The following SH2B3 variants were observed in gnomAD, a reference collection of about 807,000 sequenced individuals.
The protein encoded by SH2B3 is SH2B adaptor protein 3, also known as SH2B adapter protein 3.
In SH2B3, 43 loss-of-function variants were observed where a neutral mutation model predicts 51.9. That is an observed-to-expected ratio of 0.83 (90% CI 0.65 to 1.07). SH2B3 has a LOEUF of 1.07. SH2B3 is among the 50% of genes least tolerant of loss of function. The pLI, the probability that SH2B3 is intolerant of heterozygous loss-of-function variation, is 0.00. For missense variants in SH2B3, 952 were observed against 834.3 expected (o/e 1.14, Z -1.74); for synonymous variants, 396 against 376.0 (o/e 1.05, Z -0.62).
At chr12:111,423,343 T>G (rs1657345188) in intron 2 of SH2B3, among the ~76,000 whole-genome samples, 1 of 152,210 alleles carries the variant, frequency 6.6e-6, no homozygotes, top group Non-Finnish European at 1.5e-5. Flanking sequence ...TGATCTTATC[T>G]GTGTGACACT....
chr12:111,418,448 G>A lies in SH2B3; in HGVS notation c.303G>A (p.Glu101=). ...GCCGTGGGCCCCCAGCCAAGGCCGA[G>A]GCGTCCCCGGAGCCAGGCCCCGGCC... is the stretch of plus-strand genomic sequence containing the variant. ...DTGRGPPAKA[E]ASPEPGPGPA... Residue 101 remains glutamate (E), a synonymous_variant, in exon 2 of 8, where the codon GAG becomes GAA. Coordinates refer to ENST00000341259, the MANE Select transcript of SH2B3 (RefSeq NM_005475.3). This position sits in a 1 kb window ranked among gnomAD's most constrained non-coding sequence, Gnocchi z 6.7. 1 of 1,411,228 alleles carries A rather than the reference G, an allele frequency of 7.1e-7. No homozygotes were observed. The highest frequency in any genetic ancestry group is 3.2e-5 in the East Asian group (1 of 30,790). The allele number at this position is 1,411,228 out of a possible 1,614,324, so 87.4% of individuals were successfully genotyped here.
intron 7 of SH2B3, 77 bp from the exon 8 acceptor site, chr12:111,447,906 A>C (rs1385886783): frequency 2.6e-6 from 4 of 1,555,952 alleles, no homozygotes; most frequent in Non-Finnish European, 3.5e-6. Flanking sequence ...ACCCAGGGGT[A>C]CAGGTATCTT....
Position 111,435,101 on chromosome 12 carries a change from C to G in SH2B3, c.733-11652C>G, listed in dbSNP as rs1234545226. 6.6e-6 allele frequency: 8 copies of G among 1,204,650 alleles called. No individual in the cohort carries two copies. In the African/African-American group the frequency reaches 1.2e-4, roughly 18 times the overall value. 74.6% of individuals were successfully genotyped at this position (1,204,650 alleles called of 1,614,324 possible). A position where few individuals can be genotyped will look rare whatever the true frequency, so the allele number is the denominator to read the frequency against. The stretch of plus-strand genomic sequence containing the variant: ...TGAGTCCCCTCTCCTCTGGTGCACT[C>G]TCCCCACCCGAGACGGGCGACAGAG... On this transcript the variant is annotated intron_variant, in intron 2 of 7. Transcript: ENST00000341259. The surrounding 1 kb of genome is among the most constrained non-coding windows in gnomAD (Gnocchi z 4.8).
At chr12:111,405,701 T>G (rs1032891548), upstream of SH2B3, among the ~76,000 whole-genome samples, 87 of 152,276 alleles carry the variant, frequency 5.7e-4, no homozygotes, top group African/African-American at 1.9e-3. This position sits in a 1 kb window ranked among gnomAD's most constrained non-coding sequence, Gnocchi z 5.4. Flanking sequence ...CTCGCCTTTT[T>G]CCGGACCCGC....
chr12:111,405,149 G>A (rs1222304780), upstream of SH2B3, among the ~76,000 whole-genome samples: 2 of 152,228 alleles, frequency 1.3e-5, no homozygotes, highest in Non-Finnish European at 2.9e-5. The surrounding 1 kb of genome is among the most constrained non-coding windows in gnomAD (Gnocchi z 5.4). Flanking sequence ...GGCGGGCAGG[G>A]GGGTGGGCGC....
At chr12:111,416,759 G>T (rs1871118260) in intron 1 of SH2B3, among the ~76,000 whole-genome samples, 2 of 152,210 alleles carry the variant, frequency 1.3e-5, no homozygotes, top group African/African-American at 2.4e-5. Context: ...CTCCCAGAGT[G>T]CTGGGATTAC....
Position 111,418,453 on chromosome 12 carries a change from C to G in SH2B3, c.308C>G (p.Ser103Cys). 1 of 1,395,616 alleles carries G rather than the reference C, an allele frequency of 7.2e-7. No individual in the cohort carries two copies. Among genetic ancestry groups the G allele is most frequent in the South Asian group, 1.5e-5 (1 of 68,248 alleles). The allele number at this position is 1,395,616 out of a possible 1,614,324, so 86.5% of individuals were successfully genotyped here. Reference sequence around the variant, plus strand: ...GGGCCCCCAGCCAAGGCCGAGGCGTCCCCGGAGCCAGGCCCCGGCCCCGCC... The same window carrying G: ...GGGCCCCCAGCCAAGGCCGAGGCGTGCCCGGAGCCAGGCCCCGGCCCCGCC... ...GRGPPAKAEASPEPGPGPAAP... is the reference protein window; with the variant it reads ...GRGPPAKAEACPEPGPGPAAP... Residue 103 changes from serine to cysteine, a missense_variant, in exon 2 of 8, where the codon TCC becomes TGC. Physicochemically the swap from Ser to Cys is moderately radical, Grantham distance 112. Transcript: ENST00000341259. This position sits in a 1 kb window ranked among gnomAD's most constrained non-coding sequence, Gnocchi z 6.7.
At position 111,447,611 on chromosome 12, in the gene SH2B3, G is replaced by A. The variant is rs750366123; in HGVS notation, c.1237-45G>A. On this transcript the variant is annotated intron_variant, in intron 6 of 7. Transcript: ENST00000341259. ...GCCACCCCTCTCCACTGGAGTTCAGGGTCCTAGAGGGACAGCCCGAGCCCA... is the reference window on the plus strand; with the variant it reads ...GCCACCCCTCTCCACTGGAGTTCAGAGTCCTAGAGGGACAGCCCGAGCCCA... 9.3e-6 allele frequency: 15 copies of A among 1,609,082 alleles called. No individual in the cohort carries two copies. In the Admixed American group the frequency reaches 1.7e-4, roughly 18 times the overall value.
At chr12:111,413,996 G>A (rs1593031371) in intron 1 of SH2B3, among the ~76,000 whole-genome samples, 2 of 152,368 alleles carry the variant, frequency 1.3e-5, no homozygotes, top group South Asian at 2.1e-4. Flanking sequence ...GGCAGATCGT[G>A]TAGGTGGGGC....
intron 3 of SH2B3, 23 bp downstream of exon 3, chr12:111,446,877 C>T (rs752091884): frequency 1.9e-6 from 3 of 1,604,888 alleles, no homozygotes; most frequent in Non-Finnish European, 2.6e-6. Context: ...GCTTTTCACA[C>T]CCTGGGGCAA....
chr12:111,436,013 A>G (rs1318100675), intron 2 of SH2B3, among the ~76,000 whole-genome samples: 3 of 152,138 alleles, frequency 2.0e-5, no homozygotes, highest in African/African-American at 4.8e-5. Flanking sequence ...CAGAGATGCC[A>G]TCTTGTCCTC....
intron 2 of SH2B3, among the ~76,000 whole-genome samples, chr12:111,419,700 T>C (rs1321201226): frequency 1.3e-5 from 2 of 152,284 alleles, no homozygotes; most frequent in African/African-American, 2.4e-5. Flanking sequence ...CCTTTACACA[T>C]GGTACCCAGC....
intron 2 of SH2B3, among the ~76,000 whole-genome samples, chr12:111,425,895 G>A (rs1021545066): frequency 1.3e-5 from 2 of 152,160 alleles, no homozygotes; most frequent in African/African-American, 2.4e-5. Flanking sequence ...ACCCATCATC[G>A]GGCTCACGAC....
rs1593038119 is a variant in SH2B3 at position 111,418,587 on chromosome 12, C to T, written c.442C>T (p.Arg148Cys). ...FRRSLRHIFR[R>C]RSAGELPAAH... ...CCGCAGCCTCCGCCACATCTTCCGC[C>T]GCCGCTCGGCCGGGGAGCTGCCAGC... Residue 148 changes from arginine to cysteine, a missense_variant, in exon 2 of 8, where the codon CGC becomes TGC. By Grantham distance (180) the Arg-to-Cys change is radical. Transcript: ENST00000341259. The surrounding 1 kb of genome is among the most constrained non-coding windows in gnomAD (Gnocchi z 6.7). 5 of 1,488,382 alleles carry T rather than the reference C, an allele frequency of 3.4e-6. No homozygotes were observed. Among genetic ancestry groups the T allele is most frequent in the Non-Finnish European group, 4.4e-6 (5 of 1,126,248 alleles). The allele number at this position is 1,488,382 out of a possible 1,614,324, so 92.2% of individuals were successfully genotyped here.
intron 1 of SH2B3, among the ~76,000 whole-genome samples, chr12:111,413,283 A>G (rs11065896): frequency 0.1 from 15,568 of 152,232 alleles, 2,667 homozygotes; most frequent in African/African-American, 0.35. Flanking sequence ...GCCTGTAGTT[A>G]CAGCTACTCT....
At chr12:111,416,326 T>C (rs1476278627) in intron 1 of SH2B3, among the ~76,000 whole-genome samples, 2 of 152,172 alleles carry the variant, frequency 1.3e-5, no homozygotes, top group Non-Finnish European at 2.9e-5. Context: ...TATGAAGCAT[T>C]TTCTACGTTC....
intron 2 of SH2B3, among the ~76,000 whole-genome samples, chr12:111,427,388 GAAAAAAA>G (rs557658468): frequency 0.074 from 6,089 of 82,738 alleles, 270 homozygotes; most frequent in South Asian, 0.25. Flanking sequence ...TCCATCTCAG[GAAAAAAA>G]AAAAAAAAAA....
At chr12:111,439,531 G>A (rs551957747) in intron 2 of SH2B3, among the ~76,000 whole-genome samples, 9 of 152,236 alleles carry the variant, frequency 5.9e-5, no homozygotes, top group African/African-American at 1.4e-4. Context: ...TGATCTGCCC[G>A]CCTCGGCCTC....
In SH2B3 at chr12:111,418,621, C is replaced by A; in HGVS notation, c.476C>A (p.Thr159Asn). The change falls in exon 2 of 8, where the codon ACC becomes AAC. Residue 159 changes from threonine (T) to asparagine (N), a missense_variant. Coordinates refer to ENST00000341259, the MANE Select transcript of SH2B3 (RefSeq NM_005475.3). This position sits in a 1 kb window ranked among gnomAD's most constrained non-coding sequence, Gnocchi z 6.7. ...RSAGELPAAHTAAAPGTPGEA... is the reference protein window; with the variant it reads ...RSAGELPAAHNAAAPGTPGEA... Reference sequence around the variant, plus strand: ...GCCGGGGAGCTGCCAGCGGCCCACACCGCTGCCGCCCCCGGGACCCCCGGA... The same window carrying A: ...GCCGGGGAGCTGCCAGCGGCCCACAACGCTGCCGCCCCCGGGACCCCCGGA... The A allele has an allele frequency of 6.8e-7, 1 of 1,477,044 alleles. No individual in the cohort carries two copies. The highest frequency in any genetic ancestry group is 8.9e-7 in the Non-Finnish European group (1 of 1,123,566). The allele number at this position is 1,477,044 out of a possible 1,614,324, so 91.5% of individuals were successfully genotyped here. A position where few individuals can be genotyped will look rare whatever the true frequency, so the allele number is the denominator to read the frequency against.
Sources: allele counts gnomAD v4.1 joint callset (sites outside exome capture counted in the v4.1 genomes callset), GRCh38; gene constraint gnomAD v4.1.1; non-coding constraint Gnocchi (gnomAD v3.1); transcripts MANE v1.5; gene names NCBI Gene and HGNC (gene_info 2026-07-23, HGNC 2026-07-21).